TESMIN: variants seen among roughly 807,000 people sequenced by gnomAD.
The protein encoded by TESMIN is CXC domain containing 2.
Under a neutral mutation model 47.4 loss-of-function variants are expected in TESMIN, and 34 were observed. The ratio of observed to expected loss-of-function variants is 0.72; its 90% CI spans 0.55 to 0.96. The LOEUF (loss-of-function observed/expected upper bound fraction) is 0.96, where lower values mean the gene tolerates loss of function less well. Among genes scored for constraint, TESMIN ranks in the 40% least tolerant of loss-of-function variants. TESMIN has a pLI of 0.00. For synonymous variants in TESMIN, 278 were observed against 258.9 expected (o/e 1.07, Z -0.71); for missense variants, 610 against 637.2 (o/e 0.96, Z 0.46).
At chr11:68,736,296 G>A in intron 6 of TESMIN, 1 of 985,358 alleles carries the variant, frequency 1.0e-6, no homozygotes, top group Non-Finnish European at 1.2e-6. Context: ...AATATGATAA[G>A]CTAGTTAATA....
chr11:68,744,778 C>T, intron 4 of TESMIN: 1 of 350,014 alleles, frequency 2.9e-6, no homozygotes, highest in East Asian at 4.9e-5. Context: ...TGAGGGACAG[C>T]TATCCAAGAA....
intron 5 of TESMIN, among the ~76,000 whole-genome samples, chr11:68,741,398 C>T (rs1946454107): frequency 1.3e-5 from 2 of 152,026 alleles, no homozygotes; most frequent in African/African-American, 2.4e-5. Flanking sequence ...ACCTTCACAA[C>T]GGAGCCATGA....
intron 6 of TESMIN, among the ~76,000 whole-genome samples, chr11:68,728,344 A>G (rs1450038303): frequency 6.6e-6 from 1 of 152,228 alleles, no homozygotes; most frequent in African/African-American, 2.4e-5. Context: ...AATCCAGAGC[A>G]AGGCCCTAAT....
Position 68,735,983 on chromosome 11 carries a change from T to C in TESMIN, c.917+2717A>G. The C allele has an allele frequency of 4.0e-6, 3 of 746,848 alleles. No individual in the cohort carries two copies. In the South Asian group the frequency reaches 1.8e-4, roughly 45 times the overall value. The allele number at this position is 746,848 out of a possible 1,614,324, so 46.3% of individuals were successfully genotyped here. Reference sequence around the variant, plus strand: ...GACACTAAGTGGAAACTCACTTCCATGGCTCCAGATGGACTGCTCTCTCAG... The same window carrying C: ...GACACTAAGTGGAAACTCACTTCCACGGCTCCAGATGGACTGCTCTCTCAG... On this transcript the variant is annotated intron_variant, in intron 6 of 9. Transcript: ENST00000255087.
downstream of TESMIN, among the ~76,000 whole-genome samples, chr11:68,707,161 C>G (rs1236536429): frequency 6.6e-6 from 1 of 152,232 alleles, no homozygotes; most frequent in Non-Finnish European, 1.5e-5. Flanking sequence ...CTTTTCTCCT[C>G]TGTGGCTTCC....
At chr11:68,709,389 G>A (rs531328682) in intron 9 of TESMIN, among the ~76,000 whole-genome samples, 2 of 152,314 alleles carry the variant, frequency 1.3e-5, no homozygotes, top group South Asian at 4.1e-4. Context: ...GAAGGCCAAG[G>A]TTCTGAGGAC....
Position 68,738,797 on chromosome 11 carries a change from A to G in TESMIN, c.829-9T>C. On this transcript the variant is annotated splice_polypyrimidine_tract_variant and intron_variant, in intron 5 of 9. Transcript: ENST00000255087. ...GGTAAGGCTCCCTCAAGCTGTTCAA[A>G]GTCAAAGGCAAGGATATTTTGAATT... 1 of 1,605,494 alleles carries G rather than the reference A, an allele frequency of 6.2e-7. No homozygotes were observed. Among genetic ancestry groups the G allele is most frequent in the East Asian group, 2.2e-5 (1 of 44,838 alleles).
chr11:68,705,192 C>A (rs771114116), downstream of TESMIN, among the ~76,000 whole-genome samples: 1 of 152,236 alleles, frequency 6.6e-6, no homozygotes, highest in Non-Finnish European at 1.5e-5. Context: ...GCCTGCAGAA[C>A]GGGAGGCCTC....
intron 6 of TESMIN, among the ~76,000 whole-genome samples, chr11:68,727,561 C>A (rs1203593553): frequency 6.6e-6 from 1 of 152,234 alleles, no homozygotes; most frequent in Non-Finnish European, 1.5e-5. Context: ...GTGGACAGTG[C>A]TCCTTCTCAC....
At chr11:68,736,201 A>G (rs1946384842) in intron 6 of TESMIN, 1 of 985,254 alleles carries the variant, frequency 1.0e-6, no homozygotes, top group Non-Finnish European at 1.2e-6. Flanking sequence ...AATGTGTCAG[A>G]ATTCACATTT....
At chr11:68,746,194 C>G (rs1468138086) in intron 3 of TESMIN, among the ~76,000 whole-genome samples, 1 of 149,728 alleles carries the variant, frequency 6.7e-6, no homozygotes. Context: ...CACACACACA[C>G]AGGAAAGGCT....
At chr11:68,710,752 C>T in intron 9 of TESMIN, 122 bp downstream of exon 9, 1 of 1,005,770 alleles carries the variant, frequency 9.9e-7, no homozygotes, top group Non-Finnish European at 1.4e-6. Context: ...TCCCTCTGCC[C>T]CCAAACACAC....
chr11:68,739,272 T>C (rs1307797646), intron 5 of TESMIN, among the ~76,000 whole-genome samples: 3 of 152,238 alleles, frequency 2.0e-5, no homozygotes, highest in South Asian at 2.1e-4. Flanking sequence ...AAAAGCAATG[T>C]CATCATCTCT....
rs955747548 is a variant in TESMIN at position 68,708,121 on chromosome 11, C to T, written c.*187G>A. On this transcript the variant is annotated 3_prime_UTR_variant, in exon 10 of 10. Coordinates refer to ENST00000255087, the MANE Select transcript of TESMIN (RefSeq NM_004923.3). ...CCAGACAAACAATGCTCAGGCCATG[C>T]ACCTCCTCAGAAAAGGGGGCATGGG... is the stretch of plus-strand genomic sequence containing the variant. 7 of 593,942 alleles carry T rather than the reference C, an allele frequency of 1.2e-5. No homozygotes were observed. The Admixed American group carries it at 1.2e-4, about 10-fold the overall frequency. 36.8% of individuals were successfully genotyped at this position (593,942 alleles called of 1,614,324 possible).
intron 9 of TESMIN, among the ~76,000 whole-genome samples, chr11:68,710,053 G>C (rs924584958): frequency 4.6e-5 from 7 of 152,158 alleles, no homozygotes; most frequent in African/African-American, 1.7e-4. Context: ...AGCTACTCAG[G>C]AGGCTGAGGT....
intron 9 of TESMIN, 72 bp from the exon 10 acceptor site, chr11:68,708,572 A>C: frequency 7.7e-7 from 1 of 1,292,364 alleles, no homozygotes; most frequent in Non-Finnish European, 1.0e-6. Context: ...TTTATATTCA[A>C]CAGAACATTG....
chr11:68,749,478 G>A lies in TESMIN; in HGVS notation c.471+712C>T, dbSNP rs150904676. ...TTTCTGAGCTGGGTCCTTTTTGAGG[G>A]GTCGAGAACACATTTTCCTGGGACC... On this transcript the variant is annotated intron_variant, in intron 2 of 9. Coordinates refer to ENST00000255087, the MANE Select transcript of TESMIN (RefSeq NM_004923.3). Among the ~76,000 whole-genome samples, 3 of 152,274 alleles carry A rather than the reference G, an allele frequency of 2.0e-5. No individual in the cohort carries two copies. The East Asian group carries it at 5.8e-4, about 29-fold the overall frequency.
downstream of TESMIN, among the ~76,000 whole-genome samples, chr11:68,706,816 A>C (rs1208991977): frequency 6.6e-6 from 1 of 152,244 alleles, no homozygotes; most frequent in Admixed American, 6.5e-5. Flanking sequence ...AGAAACTTTA[A>C]CAGTACTCAT....
chr11:68,733,194 C>A (rs141571960), intron 6 of TESMIN, among the ~76,000 whole-genome samples: 1 of 152,224 alleles, frequency 6.6e-6, no homozygotes, highest in Non-Finnish European at 1.5e-5. Context: ...CCCGACTCCA[C>A]GTGACAATTG....
Sources: gnomAD v4.1 joint callset for allele counts (sites outside exome capture counted in the v4.1 genomes callset) on GRCh38, gnomAD v4.1.1 for gene constraint, MANE v1.5 for transcripts, NCBI Gene and HGNC (gene_info 2026-07-23, HGNC 2026-07-21) for gene names.